The following NBEAL1 variants were observed in gnomAD, a reference collection of about 807,000 sequenced individuals.
NBEAL1 encodes neurobeachin like 1, also known as neurobeachin-like protein 1.
NBEAL1 carries 273 observed loss-of-function variants against 351.3 expected under a neutral mutation model. The ratio of observed to expected loss-of-function variants is 0.78; its 90% confidence interval spans 0.70 to 0.86. The LOEUF is 0.86. Among genes scored for constraint, NBEAL1 ranks in the 40% least tolerant of loss-of-function variants. The pLI is 0.00. For synonymous variants in NBEAL1, 1,050 were observed against 1,086.4 expected (o/e 0.97, Z 0.66); for missense variants, 2,961 against 3,201.3 (o/e 0.92, Z 1.81).
Position 203,172,722 on chromosome 2 carries a change from C to T in NBEAL1, c.6199-7C>T, listed in dbSNP as rs2064361957. On this transcript the variant is annotated splice_polypyrimidine_tract_variant and splice_region_variant and intron_variant, in intron 40 of 55. Transcript: ENST00000683969. ...AATGTCTAAATTGTAAATTATGGCTCTTTTAGTTTCCCTGGATTTTACAAG... is the reference window on the plus strand; with the variant it reads ...AATGTCTAAATTGTAAATTATGGCTTTTTTAGTTTCCCTGGATTTTACAAG... The T allele has an allele frequency of 6.2e-7, 1 of 1,601,870 alleles. No individual in the cohort carries two copies. The highest frequency in any genetic ancestry group is 8.5e-7 in the Non-Finnish European group (1 of 1,174,898).
chr2:203,225,140 T>G lies in NBEAL1; in HGVS notation c.*7786T>G, dbSNP rs1436449723. On this transcript the variant is annotated 3_prime_UTR_variant, in exon 56 of 56. Transcript: ENST00000683969. ...TTTATTTTGTACATAATAAATTAGCTTTGTATATGAAAATGGGTTTGAATC... is the reference window on the plus strand; with the variant it reads ...TTTATTTTGTACATAATAAATTAGCGTTGTATATGAAAATGGGTTTGAATC... Among the ~76,000 whole-genome samples, 2 of 152,218 alleles carry G rather than the reference T, an allele frequency of 1.3e-5. No homozygotes were observed. Among genetic ancestry groups the G allele is most frequent in the African/African-American group, 4.8e-5 (2 of 41,462 alleles).
At position 203,146,629 on chromosome 2, in the gene NBEAL1, CA is replaced by C. The variant is rs916946180; in HGVS notation, c.5304+1476del. 1.4e-4 allele frequency among the ~76,000 whole-genome samples: 21 copies of C among 152,048 alleles called. 1 individual carries two copies. The highest frequency in any genetic ancestry group is 5.1e-4 in the African/African-American group (21 of 41,448). ...GTAACATAGGGAGACTCCATCTCTA[CA>C]AAAAAATTAAAAATTAGCTGGGTGT... On this transcript the variant is annotated intron_variant, in intron 33 of 55. Transcript: ENST00000683969.
At position 203,147,571 on chromosome 2, in the gene NBEAL1, A is replaced by G. The variant is rs187096853; in HGVS notation, c.5305-1420A>G. On this transcript the variant is annotated intron_variant, in intron 33 of 55. Coordinates refer to ENST00000683969, the MANE Select transcript of NBEAL1 (RefSeq NM_001378026.1). ...GTATTCATGAATTGGAAGACTCAAT[A>G]GTCTTAAGTAATTTTAAGGTGTATA... 8.9e-3 allele frequency among the ~76,000 whole-genome samples: 1,356 copies of G among 152,262 alleles called. 15 individuals are homozygous for G. The highest frequency in any genetic ancestry group is 0.031 in the African/African-American group (1,274 of 41,578).
At position 203,191,164 on chromosome 2, in the gene NBEAL1, A is replaced by G. The variant is rs571043834; in HGVS notation, c.6921+775A>G. 1,159 of 1,578,792 alleles carry G rather than the reference A, an allele frequency of 7.3e-4. 1 individual carries two copies. Among genetic ancestry groups the G allele is most frequent in the South Asian group, 2.5e-3 (222 of 90,508 alleles). ...CTTAGCCAGAGAACTCTCTGGAACC[A>G]TTAAAGAGATCCTGGGGACTGCCCA... On this transcript the variant is annotated intron_variant, in intron 46 of 55. Transcript: ENST00000683969.
chr2:203,126,622 A>G lies in NBEAL1; in HGVS notation c.3051A>G (p.Ser1017=), dbSNP rs753296081. Residue 1017 remains serine (S), a synonymous_variant, in exon 22 of 56, where the codon TCA becomes TCG. Coordinates refer to ENST00000683969, the MANE Select transcript of NBEAL1 (RefSeq NM_001378026.1). The part of the protein sequence containing the change: ...MAVQLLIEQV[S]LEKNMQLLQQ... ...TTCAGTTACTAATTGAACAAGTATC[A>G]TTAGAGAAAAATATGCAGCTCCTGC... 1.7e-5 allele frequency: 26 copies of G among 1,528,668 alleles called. 1 individual carries two copies. In the South Asian group the frequency reaches 2.9e-4, roughly 17 times the overall value. The allele number at this position is 1,528,668 out of a possible 1,614,324, so 94.7% of individuals were successfully genotyped here. A position where few individuals can be genotyped will look rare whatever the true frequency, so the allele number is the denominator to read the frequency against.
intron 2 of NBEAL1, among the ~76,000 whole-genome samples, chr2:203,023,895 C>T (rs1172582302): frequency 6.6e-6 from 1 of 152,062 alleles, no homozygotes; most frequent in Non-Finnish European, 1.5e-5. Flanking sequence ...AAGAAGAAGA[C>T]AGAGTTTTGG....
chr2:203,180,232 G>A (rs770118402), intron 42 of NBEAL1, 150 bp from the exon 43 acceptor site: 1 of 560,806 alleles, frequency 1.8e-6, no homozygotes, highest in Non-Finnish European at 3.0e-6. Flanking sequence ...ATAATAAGGA[G>A]AGTAAATTGT....
chr2:203,125,872 T>C, intron 20 of NBEAL1, 88 bp from the exon 21 acceptor site: 1 of 1,098,118 alleles, frequency 9.1e-7, no homozygotes, highest in Non-Finnish European at 1.2e-6. Context: ...ATTTCTACTT[T>C]GTGTAACAGT....
At chr2:203,059,573 T>A (rs1450330730) in intron 6 of NBEAL1, among the ~76,000 whole-genome samples, 1 of 152,242 alleles carries the variant, frequency 6.6e-6, no homozygotes, top group Non-Finnish European at 1.5e-5. Context: ...CATTCTGAAC[T>A]CATTGTCCAG....
Position 203,193,911 on chromosome 2 carries a change from G to T in NBEAL1, c.7038G>T (p.Glu2346Asp). The change falls in exon 47 of 56, where the codon GAG becomes GAT. Residue 2346 changes from glutamate (E) to aspartate (D), a missense_variant and splice_region_variant. Transcript: ENST00000683969. ...HLPELKSFFI[E>D]GISDGIPLLK... ...CTGAACTCAAGTCATTTTTTATAGA[G>T]GTAATATCCTACTTGGTAATATCAA... is the stretch of plus-strand genomic sequence containing the variant. 1.3e-6 allele frequency: 2 copies of T among 1,523,262 alleles called. No individual in the cohort carries two copies. The highest frequency in any genetic ancestry group is 1.2e-5 in the South Asian group (1 of 86,430). 94.4% of individuals were successfully genotyped at this position (1,523,262 alleles called of 1,614,324 possible). A position where few individuals can be genotyped will look rare whatever the true frequency, so the allele number is the denominator to read the frequency against.
chr2:203,075,409 T>A (rs1459592429), intron 7 of NBEAL1, among the ~76,000 whole-genome samples: 1 of 152,218 alleles, frequency 6.6e-6, no homozygotes, highest in African/African-American at 2.4e-5. Context: ...TATGTCCTTT[T>A]TATGTATTAT....
At chr2:203,132,989 T>C (rs1465488550) in intron 26 of NBEAL1, 69 bp from the exon 27 acceptor site, 8 of 663,430 alleles carry the variant, frequency 1.2e-5, no homozygotes, top group Non-Finnish European at 2.1e-5. Flanking sequence ...TTTATACAAG[T>C]ATTATCCACA....
Position 203,107,451 on chromosome 2 carries a change from A to T in NBEAL1, c.1301A>T (p.His434Leu). The change falls in exon 13 of 56, where the codon CAT becomes CTT. Residue 434 changes from histidine to leucine, a missense_variant. His to Leu is a moderately conservative substitution (Grantham distance 99). Transcript: ENST00000683969. Reference sequence around the variant, plus strand: ...TTTAAAGAAAGAATTGGTTATACACATATGCTTGAAGTATTAAAATCCCTG... The same window carrying T: ...TTTAAAGAAAGAATTGGTTATACACTTATGCTTGAAGTATTAAAATCCCTG... Reference protein sequence around the residue: ...EVFKERIGYTHMLEVLKSLGQ... With the variant: ...EVFKERIGYTLMLEVLKSLGQ... The T allele has an allele frequency of 1.3e-6, 2 of 1,550,076 alleles. No homozygotes were observed. The highest frequency in any genetic ancestry group is 2.4e-5 in the South Asian group (2 of 84,014).
intron 18 of NBEAL1, among the ~76,000 whole-genome samples, chr2:203,120,082 A>G (rs1253866054): frequency 6.6e-6 from 1 of 152,218 alleles, no homozygotes; most frequent in Non-Finnish European, 1.5e-5. Context: ...CTAAAGCAAA[A>G]TAAATTTTTT....
intron 18 of NBEAL1, among the ~76,000 whole-genome samples, chr2:203,119,308 A>G (rs367816100): frequency 6.6e-6 from 1 of 151,558 alleles, no homozygotes; most frequent in African/African-American, 2.4e-5. Context: ...TTGTAGAGAC[A>G]AGGTCTCACT....
At position 203,068,267 on chromosome 2, in the gene NBEAL1, C is replaced by G. The variant is rs1249320569; in HGVS notation, c.516-126C>G. The stretch of plus-strand genomic sequence containing the variant: ...CTTCCTTTTCAAGATTATGCGGATC[C>G]TAGAGATACATAGTTCAAGACACAA... On this transcript the variant is annotated intron_variant, in intron 6 of 55. Coordinates refer to ENST00000683969, the MANE Select transcript of NBEAL1 (RefSeq NM_001378026.1). The G allele has an allele frequency of 5.5e-5, 26 of 468,738 alleles. No individual in the cohort carries two copies. The East Asian group carries it at 7.8e-4, about 14-fold the overall frequency. The allele number at this position is 468,738 out of a possible 1,614,324, so 29.0% of individuals were successfully genotyped here. A position where few individuals can be genotyped will look rare whatever the true frequency, so the allele number is the denominator to read the frequency against.
chr2:203,171,860 A>C (rs1431941043), intron 39 of NBEAL1, 68 bp from the exon 40 acceptor site: 1 of 729,390 alleles, frequency 1.4e-6, no homozygotes, highest in Non-Finnish European at 2.2e-6. Flanking sequence ...TACTGTCAGT[A>C]ATAGCTACCA....
chr2:203,117,178 A>G (rs1227598466), intron 18 of NBEAL1, among the ~76,000 whole-genome samples: 2 of 152,070 alleles, frequency 1.3e-5, no homozygotes, highest in African/African-American at 4.8e-5. Context: ...AAAAATGTAT[A>G]ATCTCGGCCG....
chr2:203,114,429 A>G (rs1329414741), intron 17 of NBEAL1, among the ~76,000 whole-genome samples: 1 of 152,236 alleles, frequency 6.6e-6, no homozygotes, highest in Non-Finnish European at 1.5e-5. Context: ...ATATATCTGA[A>G]GAATTCATGA....
Sources: gnomAD v4.1 joint callset for allele counts (sites outside exome capture counted in the v4.1 genomes callset) on GRCh38, gnomAD v4.1.1 for gene constraint, MANE v1.5 for transcripts, NCBI Gene and HGNC (gene_info 2026-07-23, HGNC 2026-07-21) for gene names.